Variants in CSMD1 observed in about 807,000 individuals in gnomAD.
CSMD1 encodes CUB and sushi domain-containing protein 1.
In CSMD1, 213 loss-of-function variants were observed where a neutral mutation model predicts 417.5. The ratio of observed to expected loss-of-function variants is 0.51; its 90% CI spans 0.46 to 0.57. The LOEUF (loss-of-function observed/expected upper bound fraction) is 0.57. Ranked by LOEUF, CSMD1 falls within the 20% of genes least tolerant of loss-of-function variation. CSMD1 has a pLI of 0.00. For synonymous variants in CSMD1, 2,862 were observed against 1,736.8 expected, an observed-to-expected ratio of 1.65 and a Z score of -16.11; for missense variants, 6,923 against 4,529.7, an observed-to-expected ratio of 1.53 and a Z score of -15.17.
chr8:3,965,533 T>C (rs192275825), intron 5 of CSMD1, among the ~76,000 whole-genome samples: 31 of 152,328 alleles, frequency 2.0e-4, no homozygotes, highest in Non-Finnish European at 3.7e-4. Flanking sequence ...CAATAGAGCC[T>C]GAACAACTAG....
intron 38 of CSMD1, among the ~76,000 whole-genome samples, chr8:3,161,128 G>A (rs1819865664): frequency 6.6e-6 from 1 of 152,112 alleles, no homozygotes; most frequent in Non-Finnish European, 1.5e-5. Flanking sequence ...CCTGACTTTA[G>A]AATATACATG....
At chr8:4,307,671 A>T (rs1227450703) in intron 3 of CSMD1, among the ~76,000 whole-genome samples, 1 of 152,168 alleles carries the variant, frequency 6.6e-6, no homozygotes, top group Non-Finnish European at 1.5e-5. Flanking sequence ...GTTAAAATAC[A>T]AATTTGTTGG....
intron 52 of CSMD1, among the ~76,000 whole-genome samples, chr8:3,002,571 G>A (rs1203426105): frequency 6.6e-6 from 1 of 152,204 alleles, no homozygotes; most frequent in African/African-American, 2.4e-5. Flanking sequence ...GATGTGAAAA[G>A]GGGTGCATTT....
At chr8:4,093,689 A>G (rs1800837635) in intron 3 of CSMD1, among the ~76,000 whole-genome samples, 1 of 152,166 alleles carries the variant, frequency 6.6e-6, no homozygotes, top group African/African-American at 2.4e-5. Context: ...GGCCGGGTGC[A>G]GAGGCTCACA....
chr8:4,017,496 G>C (rs1271377842), intron 4 of CSMD1, among the ~76,000 whole-genome samples: 1 of 151,952 alleles, frequency 6.6e-6, no homozygotes, highest in Non-Finnish European at 1.5e-5. Flanking sequence ...AGTAGAGACG[G>C]GGTTTCTCCA....
intron 41 of CSMD1, among the ~76,000 whole-genome samples, chr8:3,135,126 G>C (rs914458776): frequency 3.9e-5 from 6 of 152,112 alleles, no homozygotes; most frequent in African/African-American, 1.4e-4. Flanking sequence ...ATGTTACCCA[G>C]GCTGGTCTTG....
intron 12 of CSMD1, among the ~76,000 whole-genome samples, chr8:3,448,871 C>T (rs909207399): frequency 5.9e-5 from 9 of 152,178 alleles, no homozygotes; most frequent in Admixed American, 3.9e-4. Flanking sequence ...GGAAAACTTA[C>T]GCAGGCATAA....
At chr8:4,304,649 C>G (rs1326626759) in intron 3 of CSMD1, among the ~76,000 whole-genome samples, 1 of 152,104 alleles carries the variant, frequency 6.6e-6, no homozygotes, top group South Asian at 2.1e-4. Context: ...GCTACTCATA[C>G]CCAAATAATG....
intron 6 of CSMD1, among the ~76,000 whole-genome samples, chr8:3,725,984 G>C (rs577400974): frequency 2.0e-5 from 3 of 152,156 alleles, no homozygotes; most frequent in Admixed American, 6.5e-5. Flanking sequence ...AATTGTGTGT[G>C]ACTACGGAGA....
chr8:4,604,366 T>A (rs1372994914), intron 2 of CSMD1, among the ~76,000 whole-genome samples: 1 of 143,416 alleles, frequency 7.0e-6, no homozygotes, highest in Non-Finnish European at 1.5e-5. Context: ...TAGTCTTTAC[T>A]CTTGACAAAT....
intron 1 of CSMD1, among the ~76,000 whole-genome samples, chr8:4,738,608 G>T (rs542287906): frequency 6.6e-6 from 1 of 151,958 alleles, no homozygotes; most frequent in African/African-American, 2.4e-5. Flanking sequence ...TCACCATCTA[G>T]CATCTGTATT....
intron 5 of CSMD1, among the ~76,000 whole-genome samples, chr8:3,849,278 T>G (rs1336182811): frequency 1.3e-5 from 2 of 152,048 alleles, no homozygotes; most frequent in African/African-American, 2.4e-5. Flanking sequence ...CATGTGAATG[T>G]GCACAGACAA....
intron 52 of CSMD1, among the ~76,000 whole-genome samples, chr8:3,012,621 G>C (rs932746944): frequency 1.3e-5 from 2 of 152,184 alleles, no homozygotes; most frequent in Admixed American, 1.3e-4. Context: ...AAACATATTG[G>C]ACCTAAGGTA....
At chr8:4,032,361 C>G (rs1797392844) in intron 3 of CSMD1, among the ~76,000 whole-genome samples, 1 of 152,152 alleles carries the variant, frequency 6.6e-6, no homozygotes, top group Non-Finnish European at 1.5e-5. Context: ...TGCTTTTATT[C>G]AGTGTTCCAG....
chr8:4,026,528 C>T (rs946991003), intron 4 of CSMD1, among the ~76,000 whole-genome samples: 3 of 152,120 alleles, frequency 2.0e-5, no homozygotes, highest in Admixed American at 6.5e-5. Context: ...AGCAAAAAAG[C>T]AATAAACAAT....
At chr8:3,452,614 T>G (rs1292514061) in intron 12 of CSMD1, among the ~76,000 whole-genome samples, 1 of 152,214 alleles carries the variant, frequency 6.6e-6, no homozygotes, top group African/African-American at 2.4e-5. Flanking sequence ...TATGCTGGAT[T>G]ATGTTAATTG....
At chr8:3,021,103 ATTC>A (rs1809335279) in intron 51 of CSMD1, among the ~76,000 whole-genome samples, 1 of 152,210 alleles carries the variant, frequency 6.6e-6, no homozygotes, top group Non-Finnish European at 1.5e-5. Flanking sequence ...TCTGAGTCGA[ATTC>A]TTCTTGGAGG....
intron 12 of CSMD1, among the ~76,000 whole-genome samples, chr8:3,421,410 A>G (rs1337461436): frequency 6.6e-6 from 1 of 152,254 alleles, no homozygotes; most frequent in Non-Finnish European, 1.5e-5. Context: ...GTTACTATAT[A>G]CAATCCCAGG....
At chr8:3,399,035 G>C (rs960784774) in intron 16 of CSMD1, among the ~76,000 whole-genome samples, 3 of 152,132 alleles carry the variant, frequency 2.0e-5, no homozygotes, top group Non-Finnish European at 4.4e-5. Context: ...TACCACAGAA[G>C]ACACCTAAGG....
Sources: allele counts gnomAD v4.1 joint callset (sites outside exome capture counted in the v4.1 genomes callset), GRCh38; gene constraint gnomAD v4.1.1; transcripts MANE v1.5; gene names NCBI Gene and HGNC (gene_info 2026-07-23, HGNC 2026-07-21).